Variants in CRISPLD2 observed in about 807,000 individuals in gnomAD.
The protein encoded by CRISPLD2 is cysteine rich secretory protein LCCL domain containing 2.
A neutral mutation model predicts 71.1 loss-of-function variants in CRISPLD2; 47 were observed. The observed-to-expected ratio is 0.66, with a 90% confidence interval of 0.52 to 0.84. The LOEUF (loss-of-function observed/expected upper bound fraction) is 0.84, where lower values mean the gene tolerates loss of function less well. Among genes scored for constraint, CRISPLD2 ranks in the 40% least tolerant of loss-of-function variants. The pLI, the probability that CRISPLD2 is intolerant of heterozygous loss-of-function variation, is 0.00. For missense variants in CRISPLD2, 830 were observed against 651.1 expected (o/e 1.27, Z -2.99); for synonymous variants, 317 against 250.1 (o/e 1.27, Z -2.52).
At chr16:84,858,556 A>G (rs925239414) in intron 6 of CRISPLD2, among the ~76,000 whole-genome samples, 3 of 152,188 alleles carry the variant, frequency 2.0e-5, no homozygotes, top group Admixed American at 2.0e-4. Flanking sequence ...CAAATGTCTC[A>G]CCAATAAGTC....
intron 13 of CRISPLD2, among the ~76,000 whole-genome samples, chr16:84,882,512 C>A (rs144011980): frequency 6.6e-6 from 1 of 152,136 alleles, no homozygotes; most frequent in South Asian, 2.1e-4. Context: ...TCAAGAGATT[C>A]TCCTGCCTCA....
intron 1 of CRISPLD2, among the ~76,000 whole-genome samples, chr16:84,831,436 A>C (rs892929868): frequency 6.6e-6 from 1 of 152,138 alleles, no homozygotes; most frequent in Non-Finnish European, 1.5e-5. Flanking sequence ...CTTTTGAGAT[A>C]GAGTCGCCCA....
chr16:84,853,904 G>T (rs1253306960), intron 5 of CRISPLD2, among the ~76,000 whole-genome samples: 2 of 152,250 alleles, frequency 1.3e-5, no homozygotes, highest in African/African-American at 4.8e-5. Context: ...TGGGGCCCAA[G>T]CCGGGGAGCC....
In CRISPLD2 at chr16:84,885,812, CTTTTTTT is replaced by C. The variant is rs781115960; in HGVS notation, c.1306-3402_1306-3396del. Among the ~76,000 whole-genome samples, 476 of 95,772 alleles carry C rather than the reference CTTTTTTT, an allele frequency of 5.0e-3. 3 individuals carry two copies. Among genetic ancestry groups the C allele is most frequent in the African/African-American group, 0.019 (459 of 24,778 alleles). 62.8% of individuals were successfully genotyped at this position (95,772 alleles called of 152,430 possible). ...TTAATGTGGGAATGTTGGATCCCTTCTTTTTTTTTTTTTTTTTTTTTTGAGATGGGAT... is the reference window on the plus strand; with the variant it reads ...TTAATGTGGGAATGTTGGATCCCTTCTTTTTTTTTTTTTTTGAGATGGGAT... On this transcript the variant is annotated intron_variant, in intron 13 of 14. Transcript: ENST00000262424.
rs941578684 is a variant in CRISPLD2 at position 84,894,578 on chromosome 16, G to T, written c.1439+5215G>T. The stretch of plus-strand genomic sequence containing the variant: ...GGTGTGGTCTGCTGTGGCAAGTGCA[G>T]CAGAGATATGATGTGAGCACACATG... On this transcript the variant is annotated intron_variant, in intron 14 of 14. Transcript: ENST00000262424. Among the ~76,000 whole-genome samples, 74 of 152,300 alleles carry T rather than the reference G, an allele frequency of 4.9e-4. 2 individuals carry two copies. The highest frequency in any genetic ancestry group is 1.7e-3 in the African/African-American group (70 of 41,568).
intron 13 of CRISPLD2, among the ~76,000 whole-genome samples, chr16:84,883,913 G>A (rs191781509): frequency 2.0e-5 from 3 of 149,012 alleles, no homozygotes; most frequent in Admixed American, 6.8e-5. Context: ...GCGTGACCTC[G>A]GCTCACTGCA....
intron 1 of CRISPLD2, among the ~76,000 whole-genome samples, chr16:84,827,513 T>G (rs1256783545): frequency 6.6e-6 from 1 of 151,570 alleles, no homozygotes; most frequent in Admixed American, 6.6e-5. Context: ...TGTGACCCCT[T>G]CTGAGCCTTT....
At chr16:84,889,057 G>A (rs561772265) in intron 13 of CRISPLD2, among the ~76,000 whole-genome samples, 173 bp from the exon 14 acceptor site, 1 of 152,312 alleles carries the variant, frequency 6.6e-6, no homozygotes, top group African/African-American at 2.4e-5. Context: ...ATGATGTCCA[G>A]TCTCTCTGGA....
At position 84,907,379 on chromosome 16, in the gene CRISPLD2, C is replaced by G; in HGVS notation, c.*737C>G. 1 of 152,658 alleles carries G rather than the reference C, an allele frequency of 6.6e-6. No individual in the cohort carries two copies. The highest frequency in any genetic ancestry group is 1.9e-4 in the East Asian group (1 of 5,202). The allele number at this position is 152,658 out of a possible 1,614,324, so 9.5% of individuals were successfully genotyped here. ...TTGTCTTTGTCAGGCCCTTCGTCTTCATGGCCCACCTGTTTTCTGCCGTGA... is the reference window on the plus strand; with the variant it reads ...TTGTCTTTGTCAGGCCCTTCGTCTTGATGGCCCACCTGTTTTCTGCCGTGA... On this transcript the variant is annotated 3_prime_UTR_variant, in exon 15 of 15. Transcript: ENST00000262424.
chr16:84,907,205 C>A lies in CRISPLD2; in HGVS notation c.*563C>A, dbSNP rs368638201. 34 of 167,500 alleles carry A rather than the reference C, an allele frequency of 2.0e-4. No homozygotes were observed. Among genetic ancestry groups the A allele is most frequent in the Middle Eastern group, 2.7e-3 (1 of 366 alleles). 10.4% of individuals were successfully genotyped at this position (167,500 alleles called of 1,614,324 possible). ...AGACAAATGGGCTAGAGTAAGAGGGCTGCGGGTATGAGAGACCCCGGCTCC... is the reference window on the plus strand; with the variant it reads ...AGACAAATGGGCTAGAGTAAGAGGGATGCGGGTATGAGAGACCCCGGCTCC... On this transcript the variant is annotated 3_prime_UTR_variant, in exon 15 of 15. Coordinates refer to ENST00000262424, the MANE Select transcript of CRISPLD2 (RefSeq NM_031476.4).
chr16:84,880,493 G>T lies in CRISPLD2; in HGVS notation c.1230-16G>T. 6.2e-7 allele frequency: 1 copy of T among 1,608,232 alleles called. No homozygotes were observed. The highest frequency in any genetic ancestry group is 8.5e-7 in the Non-Finnish European group (1 of 1,176,268). Reference sequence around the variant, plus strand: ...CTGTGCTCAGACCCATCACATAAATGCTTCCTGTTTTTCAGAATCCATTGT... The same window carrying T: ...CTGTGCTCAGACCCATCACATAAATTCTTCCTGTTTTTCAGAATCCATTGT... On this transcript the variant is annotated splice_polypyrimidine_tract_variant and intron_variant, in intron 12 of 14. Transcript: ENST00000262424.
At chr16:84,894,799 C>T (rs1427968054) in intron 14 of CRISPLD2, among the ~76,000 whole-genome samples, 1 of 152,056 alleles carries the variant, frequency 6.6e-6, no homozygotes, top group African/African-American at 2.4e-5. Flanking sequence ...TTAGGCACAT[C>T]TCCATTTGGA....
chr16:84,834,656 G>T (rs780304074), intron 1 of CRISPLD2, among the ~76,000 whole-genome samples: 4 of 152,210 alleles, frequency 2.6e-5, no homozygotes, highest in Non-Finnish European at 2.9e-5. Flanking sequence ...TGTTAAGCCG[G>T]CTACAGCAAA....
intron 1 of CRISPLD2, among the ~76,000 whole-genome samples, chr16:84,821,948 C>T (rs570231957): frequency 5.8e-4 from 89 of 152,300 alleles, no homozygotes; most frequent in African/African-American, 1.9e-3. Flanking sequence ...ACAGCCAGGG[C>T]GGGGTAGAGC....
At chr16:84,872,964 C>A in intron 9 of CRISPLD2, 28 bp from the exon 10 acceptor site, 1 of 1,590,156 alleles carries the variant, frequency 6.3e-7, no homozygotes, top group Non-Finnish European at 8.6e-7. Flanking sequence ...GAGAATGTGC[C>A]TCTGGTCTTC....
At chr16:84,857,076 C>T (rs932842083) in intron 6 of CRISPLD2, among the ~76,000 whole-genome samples, 3 of 152,316 alleles carry the variant, frequency 2.0e-5, no homozygotes, top group East Asian at 1.9e-4. Context: ...CTGATCACCC[C>T]GAGGAATGGT....
intron 6 of CRISPLD2, among the ~76,000 whole-genome samples, chr16:84,857,311 C>G (rs891001228): frequency 5.3e-5 from 8 of 152,222 alleles, no homozygotes; most frequent in African/African-American, 1.9e-4. Context: ...GTCCTATGTA[C>G]TTGACTAATA....
chr16:84,831,377 C>G (rs1916483904), intron 1 of CRISPLD2, among the ~76,000 whole-genome samples: 1 of 152,154 alleles, frequency 6.6e-6, no homozygotes, highest in Non-Finnish European at 1.5e-5. Flanking sequence ...GAGGGTCCCC[C>G]TGCCATCCCC....
At position 84,906,599 on chromosome 16, in the gene CRISPLD2, C is replaced by T. The variant is rs199899739; in HGVS notation, c.1451C>T (p.Pro484Leu). ...NGVQSESLGT[P>L]RDGKAFRIFA... ...CTTCTTTTTTTCAGCCTGGGGACTC[C>T]TCGGGATGGAAAGGCCTTCCGGATC... Residue 484 changes from proline to leucine, a missense_variant, in exon 15 of 15, where the codon CCT becomes CTT. Pro to Leu is a moderately conservative substitution (Grantham distance 98). Coordinates refer to ENST00000262424, the MANE Select transcript of CRISPLD2 (RefSeq NM_031476.4). 1.2e-6 allele frequency: 2 copies of T among 1,613,248 alleles called. No individual in the cohort carries two copies.
Sources: gnomAD v4.1 joint callset for allele counts (sites outside exome capture counted in the v4.1 genomes callset) on GRCh38, gnomAD v4.1.1 for gene constraint, MANE v1.5 for transcripts, NCBI Gene and HGNC (gene_info 2026-07-23, HGNC 2026-07-21) for gene names.